Variants in CEP89 observed in about 807,000 individuals in gnomAD.
CEP89 encodes centrosomal protein of 89 kDa.
A neutral mutation model predicts 97.6 loss-of-function variants in CEP89; 95 were observed. The ratio of observed to expected loss-of-function variants is 0.97; its 90% CI spans 0.82 to 1.15. The LOEUF is 1.15. Among genes scored for constraint, CEP89 ranks in the 50% most tolerant of loss-of-function variants. The probability of loss-of-function intolerance (pLI) is 0.00; values close to 1 mark genes in which losing one functional copy is unlikely to be tolerated. For missense variants in CEP89, 869 were observed against 947.7 expected (o/e 0.92, Z 1.09); for synonymous variants, 354 against 349.1 (o/e 1.01, Z -0.16).
chr19:32,950,034 T>A (rs75342267), intron 4 of CEP89, among the ~76,000 whole-genome samples: 10 of 150,346 alleles, frequency 6.7e-5, no homozygotes, highest in Non-Finnish European at 1.2e-4. Flanking sequence ...TTTTTTTTTT[T>A]AATACAGACA....
intron 14 of CEP89, among the ~76,000 whole-genome samples, chr19:32,905,551 T>G (rs1447756350): frequency 2.0e-5 from 3 of 152,142 alleles, no homozygotes; most frequent in African/African-American, 7.2e-5. Context: ...TTCTTCTTCT[T>G]CTTGAGTCAG....
chr19:32,955,268 T>C (rs757243133), intron 3 of CEP89, among the ~76,000 whole-genome samples: 2 of 152,024 alleles, frequency 1.3e-5, no homozygotes, highest in African/African-American at 4.8e-5. Context: ...TCCCAAAGTG[T>C]TGGGATTACA....
Position 32,960,099 on chromosome 19 carries a change from C to T in CEP89, c.147-41G>A, listed in dbSNP as rs1251950055. 3.1e-6 allele frequency: 5 copies of T among 1,608,846 alleles called. No homozygotes were observed. In the African/African-American group the frequency reaches 5.3e-5, roughly 17 times the overall value. ...TCCCATGGAGACAGTGAGACATGAA[C>T]ATTCCAGGTGAATGCTGAACAAGGT... is the stretch of plus-strand genomic sequence containing the variant. On this transcript the variant is annotated intron_variant, in intron 2 of 18. Transcript: ENST00000305768.
intron 4 of CEP89, 42 bp from the exon 5 acceptor site, chr19:32,948,410 G>A (rs1347883395): frequency 2.0e-5 from 26 of 1,301,450 alleles, no homozygotes; most frequent in Non-Finnish European, 2.7e-5. Context: ...AGTGAGAAAG[G>A]TAACCTTTAT....
intron 4 of CEP89, among the ~76,000 whole-genome samples, chr19:32,948,875 C>T (rs772102987): frequency 1.4e-4 from 21 of 152,162 alleles, no homozygotes; most frequent in Non-Finnish European, 2.8e-4. Context: ...CAGGCGTGCA[C>T]CACCACAACC....
At chr19:32,947,981 A>G (rs1970831135) in intron 5 of CEP89, among the ~76,000 whole-genome samples, 1 of 151,810 alleles carries the variant, frequency 6.6e-6, no homozygotes, top group Admixed American at 6.6e-5. Flanking sequence ...TTTTATTTTT[A>G]CTTTTTGTAC....
intron 2 of CEP89, among the ~76,000 whole-genome samples, chr19:32,965,698 A>ATTAATAAATTATTAAATTAATTATT (rs1971266993): frequency 1.3e-5 from 2 of 150,152 alleles, no homozygotes; most frequent in South Asian, 4.2e-4. Context: ...CTTGCCTTGA[A>ATTAATAAATTATTAAATTAATTATT]AAAAAAATTA....
chr19:32,939,858 T>A lies in CEP89; in HGVS notation c.623A>T (p.Lys208Met). 8.1e-7 allele frequency: 1 copy of A among 1,235,174 alleles called. No individual in the cohort carries two copies. The highest frequency in any genetic ancestry group is 1.2e-6 in the Non-Finnish European group (1 of 861,096). 76.5% of individuals were successfully genotyped at this position (1,235,174 alleles called of 1,614,324 possible). ...KDGKHPVLNL[K>M]DEKPPLCEKP... ...AGTTTTTAAAAAAAATGATCTTACC[T>A]TTAAATTCAGAACAGGGTGTTTACC... Residue 208 changes from lysine (K) to methionine (M), a missense_variant and splice_region_variant, in exon 6 of 19, where the codon AAG becomes ATG. Transcript: ENST00000305768.
chr19:32,925,040 G>A (rs1348610443), intron 11 of CEP89, among the ~76,000 whole-genome samples: 1 of 152,134 alleles, frequency 6.6e-6, no homozygotes, highest in Non-Finnish European at 1.5e-5. Flanking sequence ...CCAACACTCA[G>A]TCTAAATGAA....
intron 17 of CEP89, among the ~76,000 whole-genome samples, chr19:32,885,847 C>T (rs535503422): frequency 6.6e-6 from 1 of 152,278 alleles, no homozygotes; most frequent in African/African-American, 2.4e-5. Flanking sequence ...CACTGTCCAC[C>T]GAATCCTTTG....
Position 32,953,723 on chromosome 19 carries a change from G to T in CEP89, c.384C>A (p.Asp128Glu). The T allele has an allele frequency of 1.2e-6, 2 of 1,613,992 alleles. No homozygotes were observed. The highest frequency in any genetic ancestry group is 1.7e-6 in the Non-Finnish European group (2 of 1,179,914). Residue 128 changes from aspartate to glutamate, a missense_variant, in exon 4 of 19, where the codon GAC becomes GAA. Coordinates refer to ENST00000305768, the MANE Select transcript of CEP89 (RefSeq NM_032816.5). The part of the protein sequence containing the change: ...FETLDYGDEE[D>E]IETQLSSSGK... Reference sequence around the variant, plus strand: ...CGCTGGATGACAGCTGAGTTTCAATGTCCTCTTCGTCCCCATAGTCCAGTG... The same window carrying T: ...CGCTGGATGACAGCTGAGTTTCAATTTCCTCTTCGTCCCCATAGTCCAGTG...
At chr19:32,888,056 C>A (rs1200074740) in intron 16 of CEP89, among the ~76,000 whole-genome samples, 2 of 152,216 alleles carry the variant, frequency 1.3e-5, no homozygotes, top group African/African-American at 4.8e-5. Context: ...CCCTGCTCGA[C>A]ACAAAGAGAA....
intron 1 of CEP89, among the ~76,000 whole-genome samples, chr19:32,967,179 C>T (rs2145978755): frequency 1.3e-5 from 2 of 152,294 alleles, no homozygotes; most frequent in South Asian, 2.1e-4. Context: ...CATTGCCTCA[C>T]ACCTCATAGG....
chr19:32,913,314 TTGTTGTTGTTG>T (rs1970051303), intron 14 of CEP89, among the ~76,000 whole-genome samples: 1 of 1,764 alleles, frequency 5.7e-4, no homozygotes, highest in Non-Finnish European at 1.3e-3. Flanking sequence ...TATTTTTTTG[TTGTTGTTGTTG>T]TTGTTGTTGT....
At chr19:32,945,732 G>A (rs959932108) in intron 5 of CEP89, among the ~76,000 whole-genome samples, 28 of 152,104 alleles carry the variant, frequency 1.8e-4, no homozygotes, top group Non-Finnish European at 2.9e-5. Context: ...CGAACTCCCA[G>A]GCTCAAGTAA....
At chr19:32,925,529 G>T (rs974875253) in intron 11 of CEP89, among the ~76,000 whole-genome samples, 1 of 124,008 alleles carries the variant, frequency 8.1e-6, no homozygotes, top group Non-Finnish European at 1.6e-5. Flanking sequence ...TGGCCCCATC[G>T]CCAGGCTGGA....
rs146991222 is a variant in CEP89 at position 32,879,317 on chromosome 19, G to A, written c.2197C>T (p.Arg733Ter). 6.5e-5 allele frequency: 105 copies of A among 1,614,108 alleles called. 1 individual carries two copies. Among genetic ancestry groups the A allele is most frequent in the Non-Finnish European group, 6.9e-5 (81 of 1,180,050 alleles). ...ESTFRENRRI[R>*]ELLQDTLTRT... is the part of the protein sequence containing the mutation. ...GTGAGTGTGTCCTGGAGAAGTTCTC[G>A]GATTCTTCGGTTTTCCCTGAAGGTA... is the stretch of plus-strand genomic sequence containing the variant. Residue 733 changes from arginine (R) to a stop codon, truncating the protein, a stop_gained, in exon 19 of 19, where the codon CGA becomes TGA. Transcript: ENST00000305768. LOFTEE classifies it low-confidence loss of function (END_TRUNC).
intron 16 of CEP89, among the ~76,000 whole-genome samples, chr19:32,896,321 T>C (rs1368733836): frequency 2.0e-5 from 3 of 152,150 alleles, no homozygotes; most frequent in Non-Finnish European, 4.4e-5. Flanking sequence ...CCCACATATT[T>C]ACTGCCAACT....
intron 13 of CEP89, among the ~76,000 whole-genome samples, chr19:32,917,522 T>C (rs911390487): frequency 2.6e-5 from 4 of 152,214 alleles, no homozygotes; most frequent in African/African-American, 7.2e-5. Flanking sequence ...CACAGCCTCA[T>C]GCAAGATGGC....
Sources: allele counts gnomAD v4.1 joint callset (sites outside exome capture counted in the v4.1 genomes callset), GRCh38; gene constraint gnomAD v4.1.1; transcripts MANE v1.5; gene names NCBI Gene and HGNC (gene_info 2026-07-23, HGNC 2026-07-21).